PLCL1: variants seen among roughly 807,000 people sequenced by gnomAD.
PLCL1 encodes phospholipase C like 1 (inactive), also known as inactive phospholipase C-like protein 1.
In PLCL1, 41 loss-of-function variants were observed where a neutral mutation model predicts 84.4. The ratio of observed to expected loss-of-function variants is 0.49; its 90% CI spans 0.38 to 0.63. The LOEUF (loss-of-function observed/expected upper bound fraction) is 0.63. PLCL1 is among the 30% of genes least tolerant of loss of function. PLCL1 has a pLI of 0.00. For synonymous variants in PLCL1, 490 were observed against 488.3 expected (o/e 1.00, Z -0.05); for missense variants, 1,206 against 1,367.8 (o/e 0.88, Z 1.87).
intron 5 of PLCL1, among the ~76,000 whole-genome samples, chr2:198,126,275 C>T (rs1413973572): frequency 1.3e-5 from 2 of 152,176 alleles, no homozygotes; most frequent in Non-Finnish European, 2.9e-5. Flanking sequence ...AACTCCTCTA[C>T]AATCTAGAAG....
At position 197,831,082 on chromosome 2, in the gene PLCL1, A is replaced by G. The variant is rs148068944; in HGVS notation, c.240+25743A>G. ...AAAAACATGCCAAGTTGTAAAGACC[A>G]TTGACACTATAAGGAAACTGCATCA... On this transcript the variant is annotated intron_variant, in intron 1 of 5. Coordinates refer to ENST00000428675, the MANE Select transcript of PLCL1 (RefSeq NM_006226.4). Among the ~76,000 whole-genome samples the G allele has an allele frequency of 1.2e-3, 190 of 152,324 alleles. 3 individuals are homozygous for G. The East Asian group carries it at 0.034, about 27-fold the overall frequency.
chr2:197,844,978 T>C (rs1559022754), intron 1 of PLCL1, among the ~76,000 whole-genome samples: 1 of 152,104 alleles, frequency 6.6e-6, no homozygotes, highest in Non-Finnish European at 1.5e-5. Flanking sequence ...GACTTCAACA[T>C]ATTATTTATA....
chr2:197,880,162 TTAA>T (rs1463405652), intron 1 of PLCL1, among the ~76,000 whole-genome samples: 2 of 152,192 alleles, frequency 1.3e-5, no homozygotes, highest in African/African-American at 4.8e-5. Flanking sequence ...ATAGCATTTT[TTAA>T]TATTATAAAT....
intron 1 of PLCL1, among the ~76,000 whole-genome samples, chr2:197,890,722 A>G (rs1334683457): frequency 6.8e-6 from 1 of 147,242 alleles, no homozygotes; most frequent in Admixed American, 6.8e-5. Context: ...ATATACGTAT[A>G]TATGCATATG....
chr2:198,076,188 C>T (rs2105889582), intron 1 of PLCL1, among the ~76,000 whole-genome samples: 1 of 151,434 alleles, frequency 6.6e-6, no homozygotes, highest in East Asian at 1.9e-4. Flanking sequence ...TTTCTCAGCA[C>T]TCTATCACTA....
At chr2:197,816,110 G>C (rs1690681647) in intron 1 of PLCL1, among the ~76,000 whole-genome samples, 1 of 152,064 alleles carries the variant, frequency 6.6e-6, no homozygotes, top group African/African-American at 2.4e-5. Flanking sequence ...TCACTAAAGA[G>C]TCAATAAATG....
chr2:198,052,709 T>C (rs1048886624), intron 1 of PLCL1, among the ~76,000 whole-genome samples: 3 of 152,202 alleles, frequency 2.0e-5, no homozygotes, highest in Non-Finnish European at 2.9e-5. Flanking sequence ...GCCTTTTCTG[T>C]GTCTCCTCAA....
chr2:197,963,764 A>G (rs942820212), intron 1 of PLCL1, among the ~76,000 whole-genome samples: 1 of 152,102 alleles, frequency 6.6e-6, no homozygotes, highest in East Asian at 1.9e-4. Context: ...ATTTTTGTAT[A>G]TTGTGAGAGA....
At chr2:198,063,157 TACTTTACTG>T (rs1238101276) in intron 1 of PLCL1, among the ~76,000 whole-genome samples, 3,307 of 151,482 alleles carry the variant, frequency 0.022, 115 homozygotes, top group African/African-American at 0.072. Context: ...CTTAATACTA[TACTTTACTG>T]AGTTTTTTCC....
chr2:197,963,003 T>C (rs993626497), intron 1 of PLCL1, among the ~76,000 whole-genome samples: 13 of 152,116 alleles, frequency 8.5e-5, no homozygotes, highest in African/African-American at 2.9e-4. Context: ...TGTTTCCAAA[T>C]ATAGGCTATT....
chr2:198,141,375 C>T (rs1321504473), intron 5 of PLCL1, among the ~76,000 whole-genome samples: 1 of 151,722 alleles, frequency 6.6e-6, no homozygotes, highest in African/African-American at 2.4e-5. Flanking sequence ...TATATAATTC[C>T]TACACAGATA....
intron 3 of PLCL1, among the ~76,000 whole-genome samples, chr2:198,092,368 C>A (rs183146782): frequency 2.5e-4 from 38 of 152,338 alleles, no homozygotes; most frequent in African/African-American, 8.9e-4. Context: ...GCTTTCTTTG[C>A]ACATATTTAT....
chr2:197,923,512 C>T (rs1688764569), intron 1 of PLCL1, among the ~76,000 whole-genome samples: 1 of 147,630 alleles, frequency 6.8e-6, no homozygotes, highest in African/African-American at 2.5e-5. Flanking sequence ...CTCCTCACAT[C>T]CCAGATGGGG....
chr2:198,120,264 T>G (rs890593935), intron 5 of PLCL1, among the ~76,000 whole-genome samples: 7 of 152,052 alleles, frequency 4.6e-5, no homozygotes, highest in Non-Finnish European at 1.0e-4. Context: ...TGCATAATAA[T>G]CACATCATGG....
intron 1 of PLCL1, among the ~76,000 whole-genome samples, chr2:197,909,035 C>G (rs1688436135): frequency 6.6e-6 from 1 of 152,222 alleles, no homozygotes; most frequent in Non-Finnish European, 1.5e-5. Flanking sequence ...ATTTCTCTTG[C>G]AGAAGATTTA....
At chr2:197,985,580 C>T (rs574590999) in intron 1 of PLCL1, among the ~76,000 whole-genome samples, 4 of 152,216 alleles carry the variant, frequency 2.6e-5, no homozygotes, top group African/African-American at 9.6e-5. Context: ...TGACACTGTA[C>T]CCCATAAATA....
Position 198,084,511 on chromosome 2 carries a change from G to T in PLCL1, c.994G>T (p.Ala332Ser), listed in dbSNP as rs201389033. 4.4e-5 allele frequency: 71 copies of T among 1,613,928 alleles called. No homozygotes were observed. Among genetic ancestry groups the T allele is most frequent in the Non-Finnish European group, 6.8e-6 (8 of 1,179,946 alleles). The part of the protein sequence containing the change: ...QISKNKEYLD[A>S]NDLMLFLEAE... ...ATCTAAAAACAAAGAATATTTGGAT[G>T]CCAATGATCTCATGCTCTTTTTAGA... Residue 332 changes from alanine (A) to serine (S), a missense_variant, in exon 2 of 6, where the codon GCC becomes TCC. Physicochemically the swap from Ala to Ser is moderately conservative, Grantham distance 99. Coordinates refer to ENST00000428675, the MANE Select transcript of PLCL1 (RefSeq NM_006226.4).
intron 1 of PLCL1, among the ~76,000 whole-genome samples, chr2:197,920,091 G>A (rs769711159): frequency 6.6e-5 from 10 of 152,014 alleles, no homozygotes; most frequent in Non-Finnish European, 1.3e-4. Flanking sequence ...TAGCAACTGG[G>A]TTATTGTTTA....
Position 198,081,831 on chromosome 2 carries a change from G to A in PLCL1, c.241-1927G>A, listed in dbSNP as rs151255242. Among the ~76,000 whole-genome samples the A allele has an allele frequency of 6.8e-4, 104 of 152,170 alleles. 3 individuals are homozygous for A. In the South Asian group the frequency reaches 0.013, roughly 20 times the overall value. ...TCATAGGATAGGCAAGCTTCTGTAG[G>A]CAGAACTGATGAAATGAGGCCCCAA... On this transcript the variant is annotated intron_variant, in intron 1 of 5. Transcript: ENST00000428675.
Sources: allele counts gnomAD v4.1 joint callset (sites outside exome capture counted in the v4.1 genomes callset), GRCh38; gene constraint gnomAD v4.1.1; transcripts MANE v1.5; gene names NCBI Gene and HGNC (gene_info 2026-07-23, HGNC 2026-07-21).